Variants in EIPR1 observed in about 807,000 individuals in gnomAD.
EIPR1 encodes EARP complex and GARP complex interacting protein 1.
In EIPR1, 25 loss-of-function variants were observed where a neutral mutation model predicts 48.1. The observed-to-expected ratio is 0.52, with a 90% CI of 0.38 to 0.73. The LOEUF (loss-of-function observed/expected upper bound fraction) is 0.73. Among genes scored for constraint, EIPR1 ranks in the 30% least tolerant of loss-of-function variants. EIPR1 has a pLI of 0.00. For synonymous variants in EIPR1, 204 were observed against 201.9 expected, an observed-to-expected ratio of 1.01 and a Z score of -0.09; for missense variants, 415 against 506.2, an observed-to-expected ratio of 0.82 and a Z score of 1.73.
chr2:3,222,861 G>T (rs1440389483), intron 4 of EIPR1, among the ~76,000 whole-genome samples: 1 of 152,164 alleles, frequency 6.6e-6, no homozygotes, highest in African/African-American at 2.4e-5. Context: ...CAGAAGCTTC[G>T]TGGCTTTCTG....
chr2:3,283,924 T>C (rs1357518464), intron 3 of EIPR1, among the ~76,000 whole-genome samples: 1 of 122,896 alleles, frequency 8.1e-6, no homozygotes, highest in African/African-American at 3.2e-5. Context: ...CCAGCCTGGG[T>C]GACAAAGCGA....
intron 1 of EIPR1, among the ~76,000 whole-genome samples, chr2:3,369,452 G>A (rs1208107584): frequency 4.6e-5 from 7 of 152,216 alleles, no homozygotes; most frequent in Non-Finnish European, 7.3e-5. Flanking sequence ...CTCGGGAAGT[G>A]CAAGGGGTCA....
At position 3,312,535 on chromosome 2, in the gene EIPR1, C is replaced by G. The variant is rs529368291; in HGVS notation, c.259+25482G>C. Among the ~76,000 whole-genome samples the G allele has an allele frequency of 5.1e-4, 78 of 152,282 alleles. No individual in the cohort carries two copies. Among genetic ancestry groups the G allele is most frequent in the African/African-American group, 1.7e-3 (69 of 41,552 alleles). On this transcript the variant is annotated intron_variant, in intron 3 of 8. Coordinates refer to ENST00000382125, the MANE Select transcript of EIPR1 (RefSeq NM_003310.5). This position sits in a 1 kb window ranked among gnomAD's most constrained non-coding sequence, Gnocchi z 5.5. ...TCCCATGGTCCTCCCAAGGCTCCCTCCCACCACTCAGCACCTGCTCATCAT... is the reference window on the plus strand; with the variant it reads ...TCCCATGGTCCTCCCAAGGCTCCCTGCCACCACTCAGCACCTGCTCATCAT...
chr2:3,275,326 C>CA (rs1416017627), intron 3 of EIPR1, among the ~76,000 whole-genome samples: 1 of 152,018 alleles, frequency 6.6e-6, no homozygotes, highest in Non-Finnish European at 1.5e-5. Flanking sequence ...TTCAGAAACA[C>CA]AAAAAATTCT....
chr2:3,247,730 T>A (rs1666876168), intron 4 of EIPR1, among the ~76,000 whole-genome samples: 1 of 152,228 alleles, frequency 6.6e-6, no homozygotes. Flanking sequence ...GTTTAATCAT[T>A]GACTCAGGGA....
rs1450483532 is a variant in EIPR1 at position 3,221,018 on chromosome 2, A to G, written c.417-6770T>C. 4.1e-3 allele frequency among the ~76,000 whole-genome samples: 209 copies of G among 50,510 alleles called. 4 individuals carry two copies. Among genetic ancestry groups the G allele is most frequent in the African/African-American group, 9.6e-3 (131 of 13,634 alleles). 33.1% of individuals were successfully genotyped at this position (50,510 alleles called of 152,430 possible). ...CAGTGAGTCAGGAACACATGCACACAATGGCCGACGTACACTCTAGAACAC... is the reference window on the plus strand; with the variant it reads ...CAGTGAGTCAGGAACACATGCACACGATGGCCGACGTACACTCTAGAACAC... On this transcript the variant is annotated intron_variant, in intron 4 of 8. Transcript: ENST00000382125.
intron 2 of EIPR1, among the ~76,000 whole-genome samples, chr2:3,350,941 G>A (rs11893907): frequency 0.16 from 8,454 of 51,962 alleles, 297 homozygotes; most frequent in African/African-American, 0.2. Flanking sequence ...ATGTTACTTC[G>A]TTCCAAAAAA....
At chr2:3,234,128 T>C (rs539626593) in intron 4 of EIPR1, among the ~76,000 whole-genome samples, 1 of 152,128 alleles carries the variant, frequency 6.6e-6, no homozygotes, top group East Asian at 2.0e-4. Flanking sequence ...TGTGGATCCA[T>C]ATTACTGCTA....
chr2:3,198,076 G>A (rs1010909846), intron 5 of EIPR1, among the ~76,000 whole-genome samples: 2 of 152,238 alleles, frequency 1.3e-5, no homozygotes, highest in Non-Finnish European at 2.9e-5. Flanking sequence ...TCCCCACAGA[G>A]TGAGTGCCCA....
intron 1 of EIPR1, among the ~76,000 whole-genome samples, chr2:3,355,434 C>T (rs1670698595): frequency 6.6e-6 from 1 of 152,202 alleles, no homozygotes; most frequent in Non-Finnish European, 1.5e-5. Flanking sequence ...AGCCTCCTGC[C>T]AGAAGTCAGT....
At chr2:3,192,346 T>A (rs901642500) in intron 8 of EIPR1, 68 bp downstream of exon 8, 1 of 1,481,180 alleles carries the variant, frequency 6.8e-7, no homozygotes, top group African/African-American at 1.4e-5. Context: ...ACAGCCTGGC[T>A]CGGGAGATGG....
At chr2:3,296,825 A>G (rs976690651) in intron 3 of EIPR1, among the ~76,000 whole-genome samples, 1 of 152,184 alleles carries the variant, frequency 6.6e-6, no homozygotes, top group African/African-American at 2.4e-5. Context: ...CTCTGCACCC[A>G]CACACTGCCC....
At chr2:3,328,292 A>T (rs1045889650) in intron 3 of EIPR1, among the ~76,000 whole-genome samples, 2 of 152,194 alleles carry the variant, frequency 1.3e-5, no homozygotes, top group Non-Finnish European at 2.9e-5. Flanking sequence ...TGGCCTGCTC[A>T]TCACATGGGG....
intron 1 of EIPR1, among the ~76,000 whole-genome samples, chr2:3,373,277 C>T (rs2103395480): frequency 1.3e-5 from 2 of 151,540 alleles, no homozygotes; most frequent in South Asian, 4.2e-4. Flanking sequence ...CAATATCATA[C>T]TGAATGGGCA....
intron 4 of EIPR1, among the ~76,000 whole-genome samples, chr2:3,220,259 T>C (rs1345139763): frequency 6.6e-6 from 1 of 152,118 alleles, no homozygotes; most frequent in Non-Finnish European, 1.5e-5. Context: ...TTCTAGAGCA[T>C]TTATAGAGTC....
intron 3 of EIPR1, among the ~76,000 whole-genome samples, chr2:3,310,826 AAACTT>A (rs951005933): frequency 1.4e-4 from 22 of 152,174 alleles, no homozygotes; most frequent in African/African-American, 5.3e-4. Context: ...TTTATATACT[AAACTT>A]TGTTACACTG....
At chr2:3,298,343 T>C (rs1409009037) in intron 3 of EIPR1, 1 of 152,218 alleles carries the variant, frequency 6.6e-6, no homozygotes, top group African/African-American at 2.4e-5. Context: ...GCCACTGGTC[T>C]GGCCTAGATA....
chr2:3,299,171 A>G lies in EIPR1; in HGVS notation c.259+38846T>C, dbSNP rs751144442. Among the ~76,000 whole-genome samples the G allele has an allele frequency of 2.6e-5, 4 of 152,336 alleles. No individual in the cohort carries two copies. The East Asian group carries it at 7.7e-4, about 29-fold the overall frequency. On this transcript the variant is annotated intron_variant, in intron 3 of 8. Coordinates refer to ENST00000382125, the MANE Select transcript of EIPR1 (RefSeq NM_003310.5). ...GAAGCCAAGATTCATCACAAGTCCTAGCTGTTGCTGAGAATGTCGCTGTGT... is the reference window on the plus strand; with the variant it reads ...GAAGCCAAGATTCATCACAAGTCCTGGCTGTTGCTGAGAATGTCGCTGTGT...
At chr2:3,344,776 G>A (rs1244675187) in intron 2 of EIPR1, among the ~76,000 whole-genome samples, 1 of 150,084 alleles carries the variant, frequency 6.7e-6, no homozygotes, top group Admixed American at 6.7e-5. Flanking sequence ...CTGAGTAGTT[G>A]CAACTACAGG....
Sources: gnomAD v4.1 joint callset for allele counts (sites outside exome capture counted in the v4.1 genomes callset) on GRCh38, gnomAD v4.1.1 for gene constraint, Gnocchi (gnomAD v3.1) non-coding constraint, MANE v1.5 for transcripts, NCBI Gene and HGNC (gene_info 2026-07-23, HGNC 2026-07-21) for gene names.